Variants in LINGO2 observed in about 807,000 individuals in gnomAD.
LINGO2 encodes leucine-rich repeat and immunoglobulin-like domain-containing nogo receptor-interacting protein 2.
Under a neutral mutation model 30.6 loss-of-function variants are expected in LINGO2, and 14 were observed. The ratio of observed to expected loss-of-function variants is 0.46; its 90% CI spans 0.30 to 0.72. The LOEUF (loss-of-function observed/expected upper bound fraction) is 0.72. LINGO2 is among the 30% of genes least tolerant of loss of function. The probability of loss-of-function intolerance (pLI) is 0.07; values close to 1 mark genes in which losing one functional copy is unlikely to be tolerated. For synonymous variants in LINGO2, 317 were observed against 288.5 expected (o/e 1.10, Z -1.00); for missense variants, 729 against 751.7 (o/e 0.97, Z 0.35).
At chr9:29,039,091 AGCG>A in the LINGO2 span, among the ~76,000 whole-genome samples, 1 of 152,146 alleles carries the variant, frequency 6.6e-6, no homozygotes, top group African/African-American at 2.4e-5. Flanking sequence ...CTGTACAACC[AGCG>A]GCAAATTCAT....
chr9:28,178,742 A>G (rs138648605), intron 4 of LINGO2, among the ~76,000 whole-genome samples: 1 of 152,278 alleles, frequency 6.6e-6, no homozygotes, highest in Non-Finnish European at 1.5e-5. Context: ...TGATTACAAC[A>G]TAATTGATTC....
intron 1 of LINGO2, among the ~76,000 whole-genome samples, chr9:28,519,635 T>C (rs925257471): frequency 2.6e-5 from 4 of 152,220 alleles, no homozygotes; most frequent in Admixed American, 6.5e-5. Flanking sequence ...TGTAGAGTCA[T>C]AGAACTGCCA....
intron 4 of LINGO2, among the ~76,000 whole-genome samples, chr9:28,138,545 C>T (rs1200941567): frequency 2.0e-5 from 3 of 152,086 alleles, no homozygotes; most frequent in African/African-American, 7.2e-5. Context: ...ATGTAATTTT[C>T]CTTCATTGCC....
At chr9:28,880,317 C>T in the LINGO2 span, among the ~76,000 whole-genome samples, 1 of 152,098 alleles carries the variant, frequency 6.6e-6, no homozygotes, top group African/African-American at 2.4e-5. Context: ...TTTGCTGAGA[C>T]GTTGTTAATT....
chr9:28,237,121 G>GGA (rs1554691316), intron 4 of LINGO2, among the ~76,000 whole-genome samples: 1 of 141,170 alleles, frequency 7.1e-6, no homozygotes, highest in African/African-American at 2.7e-5. Context: ...ACAGTGCGGG[G>GGA]GGGGGGTAAA....
chr9:28,850,386 C>G, the LINGO2 span, among the ~76,000 whole-genome samples: 288 of 152,032 alleles, frequency 1.9e-3, 2 homozygotes, highest in African/African-American at 6.6e-3. Flanking sequence ...TAGGGGCTTG[C>G]ACCCTGTGAT....
chr9:28,202,238 A>G (rs762000901), intron 4 of LINGO2, among the ~76,000 whole-genome samples: 1 of 152,186 alleles, frequency 6.6e-6, no homozygotes, highest in East Asian at 1.9e-4. Flanking sequence ...TTAGGGTATC[A>G]GGATGAGGGC....
chr9:28,553,962 A>G (rs1226313959), intron 1 of LINGO2, among the ~76,000 whole-genome samples: 1 of 152,054 alleles, frequency 6.6e-6, no homozygotes, highest in Non-Finnish European at 1.5e-5. Context: ...AGATTTTGTC[A>G]CCACCAGGCC....
intron 4 of LINGO2, among the ~76,000 whole-genome samples, chr9:28,270,574 A>G (rs1173121701): frequency 6.6e-6 from 1 of 152,044 alleles, no homozygotes; most frequent in Non-Finnish European, 1.5e-5. Flanking sequence ...CCTACCAGCC[A>G]CCTCCCTTAT....
At chr9:29,102,653 G>A in the LINGO2 span, among the ~76,000 whole-genome samples, 1 of 152,114 alleles carries the variant, frequency 6.6e-6, no homozygotes, top group African/African-American at 2.4e-5. Flanking sequence ...GTGTGTTCCA[G>A]GAGACCATGC....
intron 4 of LINGO2, among the ~76,000 whole-genome samples, chr9:28,260,992 C>T (rs938991698): frequency 4.0e-5 from 6 of 151,782 alleles, no homozygotes; most frequent in East Asian, 1.9e-4. Context: ...TTAATGTACC[C>T]GTATAAGATA....
At chr9:28,493,963 A>G (rs12346924) in intron 1 of LINGO2, among the ~76,000 whole-genome samples, 23,570 of 151,992 alleles carry the variant, frequency 0.16, 2,028 homozygotes, top group East Asian at 0.37. Flanking sequence ...CAGATGGCCT[A>G]TTGTGGAACC....
intron 2 of LINGO2, among the ~76,000 whole-genome samples, chr9:28,403,429 T>C (rs1822354708): frequency 1.3e-5 from 2 of 152,194 alleles, no homozygotes; most frequent in Admixed American, 1.3e-4. Flanking sequence ...TCTTCAGGTC[T>C]GACAGCTAGC....
At chr9:28,849,710 T>C in the LINGO2 span, among the ~76,000 whole-genome samples, 1 of 151,914 alleles carries the variant, frequency 6.6e-6, no homozygotes, top group Non-Finnish European at 1.5e-5. Flanking sequence ...TTCCTCTTCA[T>C]CCCAAGACCA....
At chr9:28,079,874 T>C (rs1825725700) in intron 4 of LINGO2, among the ~76,000 whole-genome samples, 2 of 152,340 alleles carry the variant, frequency 1.3e-5, no homozygotes, top group South Asian at 4.1e-4. Context: ...ATGTGATGTT[T>C]CCTTCTAACC....
chr9:29,001,350 T>C, the LINGO2 span, among the ~76,000 whole-genome samples: 1 of 152,014 alleles, frequency 6.6e-6, no homozygotes, highest in Non-Finnish European at 1.5e-5. Flanking sequence ...GTAGTTTATG[T>C]GACCAATGTT....
At chr9:28,295,493 C>G (rs1823890677) in intron 3 of LINGO2, 127 bp from the exon 6 acceptor site, 1 of 152,536 alleles carries the variant, frequency 6.6e-6, no homozygotes, top group South Asian at 2.1e-4. Flanking sequence ...ATAAATGCTT[C>G]TCAAGATGCT....
chr9:29,018,626 G>A, the LINGO2 span, among the ~76,000 whole-genome samples: 1 of 152,128 alleles, frequency 6.6e-6, no homozygotes, highest in Non-Finnish European at 1.5e-5. Flanking sequence ...GAGAGGCTTA[G>A]TAACTTACTA....
intron 4 of LINGO2, among the ~76,000 whole-genome samples, chr9:28,263,016 T>C (rs532012040): frequency 6.6e-6 from 1 of 152,132 alleles, no homozygotes; most frequent in Admixed American, 6.6e-5. Flanking sequence ...GCATATAGCC[T>C]AGCTGGGTTC....
Sources: allele counts gnomAD v4.1 joint callset (sites outside exome capture counted in the v4.1 genomes callset), GRCh38; gene constraint gnomAD v4.1.1; transcripts MANE v1.5; gene names NCBI Gene and HGNC (gene_info 2026-07-23, HGNC 2026-07-21).